The following IL1RAPL1 variants were observed in gnomAD, a reference collection of about 807,000 sequenced individuals.
IL1RAPL1 encodes interleukin-1 receptor accessory protein-like 1.
Under a neutral mutation model 48.4 loss-of-function variants are expected in IL1RAPL1, and 3 were observed. The ratio of observed to expected loss-of-function variants is 0.06; its 90% CI spans 0.03 to 0.16. The LOEUF (loss-of-function observed/expected upper bound fraction) is 0.16. Among genes scored for constraint, IL1RAPL1 ranks in the 10% least tolerant of loss-of-function variants. The pLI, the probability that IL1RAPL1 is intolerant of heterozygous loss-of-function variation, is 1.00. For synonymous variants in IL1RAPL1, 185 were observed against 187.7 expected (o/e 0.99, Z 0.12); for missense variants, 349 against 530.6 (o/e 0.66, Z 3.36).
chrX:28,711,969 G>T (rs1935446874), intron 1 of IL1RAPL1, among the ~76,000 whole-genome samples: 2 of 110,807 alleles, frequency 1.8e-5, no homozygotes, highest in Non-Finnish European at 3.8e-5. Context: ...ACACATAAGA[G>T]AACTGAATTT....
chrX:29,458,143 A>T (rs1934761006), intron 5 of IL1RAPL1, among the ~76,000 whole-genome samples: 1 of 112,134 alleles, frequency 8.9e-6, no homozygotes, highest in Non-Finnish European at 1.9e-5. Context: ...TGATTTGATT[A>T]GGAATCTTAA....
At chrX:29,607,982 G>A (rs1420625796) in intron 5 of IL1RAPL1, among the ~76,000 whole-genome samples, 4 of 112,091 alleles carry the variant, frequency 3.6e-5, no homozygotes, top group Non-Finnish European at 7.5e-5. Context: ...ATCTATTGTC[G>A]TGTGAATATT....
chrX:29,679,654 A>T (rs906788574), intron 6 of IL1RAPL1, among the ~76,000 whole-genome samples: 4 of 112,187 alleles, frequency 3.6e-5, no homozygotes, highest in African/African-American at 1.3e-4. Flanking sequence ...TTTAAAAAAA[A>T]CCCTGTCTCT....
chrX:28,641,758 G>A (rs942412035), intron 1 of IL1RAPL1, among the ~76,000 whole-genome samples: 11 of 111,213 alleles, frequency 9.9e-5, no homozygotes, highest in African/African-American at 2.9e-4. Flanking sequence ...AATGATCGCC[G>A]TTCTAACTGG....
At chrX:29,756,317 T>C (rs1928613107) in intron 6 of IL1RAPL1, among the ~76,000 whole-genome samples, 1 of 112,334 alleles carries the variant, frequency 8.9e-6, no homozygotes, top group Admixed American at 9.5e-5. Flanking sequence ...ATAATGATTA[T>C]TTCCAGGAAT....
At chrX:29,673,213 T>G (rs1482096623) in intron 6 of IL1RAPL1, among the ~76,000 whole-genome samples, 5 of 112,063 alleles carry the variant, frequency 4.5e-5, no homozygotes, top group African/African-American at 1.6e-4. Flanking sequence ...GGAAATCTTT[T>G]TGTTTCCTCT....
intron 1 of IL1RAPL1, among the ~76,000 whole-genome samples, chrX:28,657,645 C>G (rs1289894248): frequency 8.9e-6 from 1 of 112,246 alleles, no homozygotes; most frequent in South Asian, 3.7e-4. Flanking sequence ...CTGTCTGACC[C>G]CAGTAGGGGC....
intron 6 of IL1RAPL1, among the ~76,000 whole-genome samples, chrX:29,906,801 A>T (rs1932641953): frequency 9.1e-6 from 1 of 109,525 alleles, no homozygotes; most frequent in Non-Finnish European, 1.9e-5. Flanking sequence ...AAATCACCTG[A>T]GGGTGCTTGT....
intron 1 of IL1RAPL1, among the ~76,000 whole-genome samples, chrX:28,701,872 A>G (rs1601864795): frequency 9.0e-6 from 1 of 111,695 alleles, no homozygotes. Flanking sequence ...AAGAAAATCT[A>G]ATGATTTACT....
intron 5 of IL1RAPL1, among the ~76,000 whole-genome samples, chrX:29,656,537 G>A (rs1207178121): frequency 1.8e-5 from 2 of 111,125 alleles, no homozygotes; most frequent in East Asian, 5.6e-4. Flanking sequence ...CTATTACTGA[G>A]TTACTTCACT....
chrX:28,851,134 C>T (rs1462670044), intron 2 of IL1RAPL1, among the ~76,000 whole-genome samples: 2 of 106,130 alleles, frequency 1.9e-5, no homozygotes, highest in Admixed American at 1.1e-4. Context: ...AGGACTCACA[C>T]TTGCCTTGGA....
chrX:28,619,628 A>G (rs941901915), intron 1 of IL1RAPL1, among the ~76,000 whole-genome samples: 1 of 104,043 alleles, frequency 9.6e-6, no homozygotes, highest in African/African-American at 3.5e-5. Context: ...AAAAAAAAAG[A>G]TAAAAAAAAT....
intron 2 of IL1RAPL1, among the ~76,000 whole-genome samples, chrX:28,960,309 A>G (rs780798153): frequency 1.2e-3 from 138 of 111,593 alleles, no homozygotes; most frequent in Middle Eastern, 4.6e-3. Flanking sequence ...GGGGTTTAGC[A>G]TTTTTATTTA....
intron 5 of IL1RAPL1, among the ~76,000 whole-genome samples, chrX:29,492,501 G>A (rs1054748490): frequency 1.8e-5 from 2 of 111,707 alleles, no homozygotes; most frequent in African/African-American, 6.5e-5. Flanking sequence ...GCTTCCAGAA[G>A]TTTCTCACAT....
intron 6 of IL1RAPL1, among the ~76,000 whole-genome samples, chrX:29,741,921 T>C (rs1476597430): frequency 4.4e-4 from 23 of 52,245 alleles, no homozygotes; most frequent in Non-Finnish European, 6.3e-4. Context: ...CGAGACTCCG[T>C]CAAAAAAAAA....
At chrX:29,407,705 C>T (rs1934091708) in intron 5 of IL1RAPL1, among the ~76,000 whole-genome samples, 1 of 111,849 alleles carries the variant, frequency 8.9e-6, no homozygotes, top group African/African-American at 3.2e-5. Context: ...TTCAAATTTA[C>T]TAACTATTGT....
At chrX:29,411,423 C>A (rs5973638) in intron 5 of IL1RAPL1, among the ~76,000 whole-genome samples, 1,368 of 111,957 alleles carry the variant, frequency 0.012, 23 homozygotes, top group African/African-American at 0.042. Flanking sequence ...TGATTTCATT[C>A]AATTTTCTGG....
chrX:29,714,713 T>C (rs1927436354), intron 6 of IL1RAPL1, among the ~76,000 whole-genome samples: 1 of 111,761 alleles, frequency 8.9e-6, no homozygotes, highest in Non-Finnish European at 1.9e-5. Context: ...GTCAGGAAAA[T>C]ACAGAAGCTC....
intron 6 of IL1RAPL1, among the ~76,000 whole-genome samples, chrX:29,804,874 G>T (rs1444254178): frequency 1.8e-5 from 2 of 111,797 alleles, no homozygotes; most frequent in Non-Finnish European, 3.8e-5. Context: ...TCTCACCGAG[G>T]AACATGACCA....
Sources: gnomAD v4.1 joint callset for allele counts (sites outside exome capture counted in the v4.1 genomes callset) on GRCh38, gnomAD v4.1.1 for gene constraint, MANE v1.5 for transcripts, NCBI Gene and HGNC (gene_info 2026-07-23, HGNC 2026-07-21) for gene names.